SCFD2: variants seen among roughly 807,000 people sequenced by gnomAD.
SCFD2 encodes the protein sec1 family domain-containing protein 2.
In SCFD2, 54 loss-of-function variants were observed where a neutral mutation model predicts 58.9. That is an observed-to-expected ratio of 0.92 (90% confidence interval 0.74 to 1.15). The LOEUF is 1.15. SCFD2 is among the 50% of genes most tolerant of loss of function. The pLI is 0.00. For missense variants in SCFD2, 805 were observed against 836.6 expected (o/e 0.96, Z 0.47); for synonymous variants, 321 against 335.9 (o/e 0.96, Z 0.49).
At chr4:52,894,205 C>T (rs936053616) in intron 7 of SCFD2, among the ~76,000 whole-genome samples, 3 of 152,126 alleles carry the variant, frequency 2.0e-5, no homozygotes, top group African/African-American at 7.2e-5. Context: ...TCCAATTAAG[C>T]ATGGCCACAT....
chr4:53,101,983 T>C (rs1724842908), intron 5 of SCFD2, among the ~76,000 whole-genome samples: 1 of 152,176 alleles, frequency 6.6e-6, no homozygotes, highest in Non-Finnish European at 1.5e-5. Context: ...TGTGAGGAGA[T>C]AACAGCCACA....
At chr4:52,920,639 G>T in intron 6 of SCFD2, 86 bp downstream of exon 6, 1 of 986,088 alleles carries the variant, frequency 1.0e-6, no homozygotes, top group Non-Finnish European at 1.4e-6. Context: ...GTTTTAGGAA[G>T]GTTAAAAGGG....
In SCFD2 at chr4:53,248,903, C is replaced by T. The variant is rs185228696; in HGVS notation, c.1311+24923G>A. The stretch of plus-strand genomic sequence containing the variant: ...AATTCTAAAAAGCAGAGCGCCTCTC[C>T]TCCTCCAAAGGAACGCAGTTCCTCA... On this transcript the variant is annotated intron_variant, in intron 4 of 8. Coordinates refer to ENST00000401642, the MANE Select transcript of SCFD2 (RefSeq NM_152540.4). Among the ~76,000 whole-genome samples the T allele has an allele frequency of 2.0e-3, 309 of 152,334 alleles. 1 individual carries two copies. Among genetic ancestry groups the T allele is most frequent in the African/African-American group, 7.1e-3 (295 of 41,572 alleles).
At chr4:53,250,613 T>A (rs1213315100) in intron 4 of SCFD2, among the ~76,000 whole-genome samples, 1 of 152,172 alleles carries the variant, frequency 6.6e-6, no homozygotes, top group Non-Finnish European at 1.5e-5. Context: ...CTCAACTACA[T>A]GGAAACTGAG....
intron 4 of SCFD2, among the ~76,000 whole-genome samples, chr4:53,193,150 T>C (rs1416358534): frequency 1.3e-5 from 2 of 152,120 alleles, no homozygotes; most frequent in East Asian, 1.9e-4. Flanking sequence ...ATAATATATA[T>C]GACCAAAACA....
At chr4:53,062,536 CCAAA>C (rs1388842400) in intron 5 of SCFD2, among the ~76,000 whole-genome samples, 1 of 152,056 alleles carries the variant, frequency 6.6e-6, no homozygotes, top group African/African-American at 2.4e-5. Flanking sequence ...TATCAAAGAA[CCAAA>C]CAAAGAATGA....
intron 2 of SCFD2, among the ~76,000 whole-genome samples, chr4:53,322,425 A>C (rs1480576018): frequency 6.6e-6 from 1 of 152,228 alleles, no homozygotes; most frequent in East Asian, 1.9e-4. Context: ...GGAGAGGCAC[A>C]AATAATCCAC....
At chr4:52,874,600 G>C (rs1461014985) in intron 8 of SCFD2, among the ~76,000 whole-genome samples, 1 of 152,142 alleles carries the variant, frequency 6.6e-6, no homozygotes, top group African/African-American at 2.4e-5. Flanking sequence ...TAGTTCTGGA[G>C]CCTAGAAGTC....
chr4:53,218,021 C>T (rs1028775048), intron 4 of SCFD2, among the ~76,000 whole-genome samples: 1 of 152,348 alleles, frequency 6.6e-6, no homozygotes, highest in East Asian at 1.9e-4. Context: ...TGCTGTTACT[C>T]TGTTGGGCTT....
intron 2 of SCFD2, among the ~76,000 whole-genome samples, chr4:53,334,540 G>A (rs1438930853): frequency 4.3e-5 from 6 of 139,268 alleles, no homozygotes; most frequent in East Asian, 2.2e-4. Context: ...TCATAGGTGG[G>A]AATTGAACAA....
chr4:53,075,590 G>C (rs1206703674), intron 5 of SCFD2, among the ~76,000 whole-genome samples: 2 of 152,124 alleles, frequency 1.3e-5, no homozygotes, highest in East Asian at 3.8e-4. Flanking sequence ...AACACTTAGA[G>C]GCCACTGTAA....
intron 4 of SCFD2, among the ~76,000 whole-genome samples, chr4:53,268,676 GA>G (rs992135256): frequency 1.8e-4 from 27 of 152,250 alleles, no homozygotes; most frequent in Middle Eastern, 6.8e-3. Flanking sequence ...GGGCCTCTAT[GA>G]AGAAGGCAGA....
chr4:52,992,120 C>T (rs1195100221), intron 5 of SCFD2, among the ~76,000 whole-genome samples: 3 of 152,184 alleles, frequency 2.0e-5, no homozygotes, highest in Non-Finnish European at 4.4e-5. Flanking sequence ...TCACTGCAAC[C>T]TCCCTGCCTG....
chr4:53,096,968 G>A (rs1724657086), intron 5 of SCFD2, among the ~76,000 whole-genome samples: 1 of 152,158 alleles, frequency 6.6e-6, no homozygotes, highest in Admixed American at 6.5e-5. Context: ...TTATTAAATA[G>A]GGAATCCTTT....
intron 5 of SCFD2, among the ~76,000 whole-genome samples, chr4:53,095,653 G>A (rs1420032184): frequency 1.3e-5 from 2 of 151,998 alleles, no homozygotes; most frequent in Non-Finnish European, 2.9e-5. Flanking sequence ...TTCATTCAGG[G>A]TTAAAACCTA....
chr4:53,188,148 T>C (rs1727789333), intron 4 of SCFD2, among the ~76,000 whole-genome samples: 1 of 152,176 alleles, frequency 6.6e-6, no homozygotes, highest in Admixed American at 6.6e-5. Flanking sequence ...TAAGCAGTAC[T>C]GGATAAAGCT....
At chr4:53,241,208 G>T (rs1252873335) in intron 4 of SCFD2, among the ~76,000 whole-genome samples, 1 of 152,228 alleles carries the variant, frequency 6.6e-6, no homozygotes, top group Non-Finnish European at 1.5e-5. Flanking sequence ...GCAGAGAGAT[G>T]CTCAGAAAAG....
intron 3 of SCFD2, among the ~76,000 whole-genome samples, chr4:53,275,456 C>G (rs77764362): frequency 0.011 from 1,728 of 152,196 alleles, 30 homozygotes; most frequent in Non-Finnish European, 0.015. Context: ...TAACAATCTG[C>G]TTGCTCAAGT....
At chr4:53,236,387 T>A (rs907667428) in intron 4 of SCFD2, among the ~76,000 whole-genome samples, 3 of 151,326 alleles carry the variant, frequency 2.0e-5, no homozygotes, top group African/African-American at 7.3e-5. Context: ...ATTAAGCATA[T>A]GTAAGTGTGT....
Sources: gnomAD v4.1 joint callset for allele counts (sites outside exome capture counted in the v4.1 genomes callset) on GRCh38, gnomAD v4.1.1 for gene constraint, MANE v1.5 for transcripts, NCBI Gene and HGNC (gene_info 2026-07-23, HGNC 2026-07-21) for gene names.